Variants in EIF3L observed in about 807,000 individuals in gnomAD.
EIF3L encodes the protein eIEF associated protein HSPC021.
EIF3L carries 32 observed loss-of-function variants against 74.6 expected under a neutral mutation model. The observed-to-expected ratio is 0.43, with a 90% CI of 0.32 to 0.58. EIF3L has a LOEUF of 0.58. EIF3L is among the 20% of genes least tolerant of loss of function. EIF3L has a pLI of 0.06. For synonymous variants in EIF3L, 256 were observed against 254.4 expected (o/e 1.01, Z -0.06); for missense variants, 474 against 707.8 (o/e 0.67, Z 3.75).
chr22:37,857,691 C>T (rs1925608297), intron 4 of EIF3L, among the ~76,000 whole-genome samples: 1 of 151,618 alleles, frequency 6.6e-6, no homozygotes, highest in South Asian at 2.1e-4. Context: ...ATTACAGGCA[C>T]CTGGCGGATT....
Position 37,851,326 on chromosome 22 carries a change from A to G in EIF3L, c.129A>G (p.Gln43=), listed in dbSNP as rs780707552. The G allele has an allele frequency of 5.6e-6, 9 of 1,614,096 alleles. No individual in the cohort carries two copies. Among genetic ancestry groups the G allele is most frequent in the African/African-American group, 2.7e-5 (2 of 74,936 alleles). The change falls in exon 3 of 13, where the codon CAA becomes CAG. Residue 43 remains glutamine, a synonymous_variant. Transcript: ENST00000652021. ...CTTATGAACGTCAGTATGAACAGCA[A>G]ACCTATCAGGTGATCCCTGAGGTGA... ...DLAYERQYEQ[Q]TYQVIPEVIK...
chr22:37,866,441 G>A (rs1926154800), intron 7 of EIF3L, among the ~76,000 whole-genome samples: 1 of 152,152 alleles, frequency 6.6e-6, no homozygotes, highest in Non-Finnish European at 1.5e-5. Context: ...TGGATTGAAC[G>A]ATACTTGCTT....
At chr22:37,881,412 G>T (rs1397631443) in intron 11 of EIF3L, 3 of 151,586 alleles carry the variant, frequency 2.0e-5, no homozygotes, top group African/African-American at 7.3e-5. Context: ...TAAAAGAATT[G>T]TTTTCTTTTT....
rs1199562373 is a variant in EIF3L at position 37,849,457 on chromosome 22, A to G, written c.8A>G (p.Tyr3Cys). 2.5e-6 allele frequency: 4 copies of G among 1,612,754 alleles called. No homozygotes were observed. The highest frequency in any genetic ancestry group is 1.3e-5 in the African/African-American group (1 of 75,002). Residue 3 changes from tyrosine to cysteine, a missense_variant, in exon 1 of 13, where the codon TAT becomes TGT. Around this residue, in one of 4 missense-constraint regions of EIF3L, gnomAD observed 39 missense variants for 24.2 expected, o/e 1.61. Coordinates refer to ENST00000652021, the MANE Select transcript of EIF3L (RefSeq NM_016091.4). MS[Y>C]PADDYESEAA... ...CTCGCAAGCGAGGCAGCCATGTCTTATCCCGCTGATGATTATGAGTCTGAG... is the reference window on the plus strand; with the variant it reads ...CTCGCAAGCGAGGCAGCCATGTCTTGTCCCGCTGATGATTATGAGTCTGAG...
chr22:37,850,537 C>G (rs766210922), intron 2 of EIF3L: 12 of 223,912 alleles, frequency 5.4e-5, no homozygotes, highest in South Asian at 5.4e-4. Flanking sequence ...CGAGGTTTCG[C>G]CGTGTTGTCC....
intron 4 of EIF3L, among the ~76,000 whole-genome samples, chr22:37,856,415 G>C (rs1925510029): frequency 1.3e-5 from 2 of 152,098 alleles, no homozygotes; most frequent in African/African-American, 4.8e-5. Flanking sequence ...TAGATACCGG[G>C]TCACACTTTG....
At chr22:37,879,919 C>A in intron 11 of EIF3L, 1 of 151,276 alleles carries the variant, frequency 6.6e-6, no homozygotes, top group Non-Finnish European at 1.5e-5. Context: ...CTTGCCTCAG[C>A]CTCCTGAGTA....
intron 5 of EIF3L, among the ~76,000 whole-genome samples, chr22:37,861,287 A>C (rs1450615838): frequency 7.2e-5 from 11 of 152,054 alleles, no homozygotes; most frequent in Admixed American, 7.2e-4. Flanking sequence ...TGGCCACAGG[A>C]GCCACTGTCA....
chr22:37,870,149 C>T (rs1342333528), intron 7 of EIF3L, 27 bp from the exon 8 acceptor site: 33 of 1,568,832 alleles, frequency 2.1e-5, no homozygotes, highest in Non-Finnish European at 2.9e-5. Context: ...TATACCACTA[C>T]TGCATGTTTC....
In EIF3L at chr22:37,867,497, A is replaced by G. The variant is rs556258171; in HGVS notation, c.580-2679A>G. Among the ~76,000 whole-genome samples the G allele has an allele frequency of 2.8e-3, 425 of 151,926 alleles. 1 individual carries two copies. The highest frequency in any genetic ancestry group is 7.4e-3 in the Admixed American group (113 of 15,236). ...AACATGGTGAAACCCCGTCTCTACT[A>G]AAAATACAAAAATTACCCAGACTTG... On this transcript the variant is annotated intron_variant, in intron 7 of 12. Transcript: ENST00000652021.
At chr22:37,861,052 A>G (rs747416639) in intron 5 of EIF3L, among the ~76,000 whole-genome samples, 8 of 152,154 alleles carry the variant, frequency 5.3e-5, no homozygotes, top group Non-Finnish European at 1.2e-4. Context: ...ATCTACTGGA[A>G]GGTTAACTCC....
chr22:37,870,470 A>C, intron 8 of EIF3L, 123 bp downstream of exon 8: 1 of 977,462 alleles, frequency 1.0e-6, no homozygotes, highest in East Asian at 2.6e-5. Context: ...TGGTCTGTTG[A>C]CTCTTTGTAG....
chr22:37,883,323 C>T (rs1927156417), intron 11 of EIF3L: 1 of 144,436 alleles, frequency 6.9e-6, no homozygotes. Flanking sequence ...AAAAAACTTG[C>T]ATGATCCCAG....
At chr22:37,859,208 T>A (rs1925706348) in intron 5 of EIF3L, among the ~76,000 whole-genome samples, 1 of 151,616 alleles carries the variant, frequency 6.6e-6, no homozygotes, top group South Asian at 2.1e-4. Context: ...GTACCCGAGG[T>A]GCCAAGAGGT....
In EIF3L at chr22:37,877,844, C is replaced by T. The variant is rs1248847638; in HGVS notation, c.1248C>T (p.Ser416=). ...TCTATGAAGAACTTTTCAGTTACTC[C>T]TGCCCCAAGTTCCTGTCGCCTGTAG... ...PQVYEELFSY[S]CPKFLSPVVP... The change falls in exon 11 of 13, where the codon TCC becomes TCT. Residue 416 remains serine (S), a synonymous_variant. Coordinates refer to ENST00000652021, the MANE Select transcript of EIF3L (RefSeq NM_016091.4). 1.9e-6 allele frequency: 3 copies of T among 1,613,740 alleles called. No individual in the cohort carries two copies. The highest frequency in any genetic ancestry group is 2.5e-6 in the Non-Finnish European group (3 of 1,179,874).
At chr22:37,882,311 A>C (rs1927090456) in intron 11 of EIF3L, 1 of 152,208 alleles carries the variant, frequency 6.6e-6, no homozygotes, top group Admixed American at 6.6e-5. Context: ...GCATCTTGAA[A>C]AAAAGAGAAA....
In EIF3L at chr22:37,886,794, C is replaced by T. The variant is rs778354905; in HGVS notation, c.1605C>T (p.Val535=). The T allele has an allele frequency of 2.4e-5, 38 of 1,611,368 alleles. No homozygotes were observed. The East Asian group carries it at 2.9e-4, about 12-fold the overall frequency. Residue 535 remains valine (V), a synonymous_variant, in exon 12 of 13, where the codon GTC becomes GTT. Transcript: ENST00000652021. ...TGATCCACATCGCGGACACCAAGGT[C>T]GCCAGGCGTTATGGGGATTTCTTCA... The part of the protein sequence containing the change: ...KDMIHIADTK[V]ARRYGDFFIR...
chr22:37,867,075 T>C (rs1290956858), intron 7 of EIF3L, among the ~76,000 whole-genome samples: 2 of 152,200 alleles, frequency 1.3e-5, no homozygotes, highest in East Asian at 3.8e-4. Context: ...CTTGCCTTTA[T>C]GGTCCAGGCT....
chr22:37,869,064 C>G (rs1039529106), intron 7 of EIF3L, among the ~76,000 whole-genome samples: 1 of 151,990 alleles, frequency 6.6e-6, no homozygotes, highest in Admixed American at 6.6e-5. Context: ...CGTGAGCCAC[C>G]GTGCCTGGCA....
Sources: allele counts gnomAD v4.1 joint callset (sites outside exome capture counted in the v4.1 genomes callset), GRCh38; gene constraint gnomAD v4.1.1; regional missense constraint gnomAD v4.1.1; transcripts MANE v1.5; gene names NCBI Gene and HGNC (gene_info 2026-07-23, HGNC 2026-07-21).